The following HLCS variants were observed in gnomAD, a reference collection of about 807,000 sequenced individuals.
HLCS encodes biotin--protein ligase.
Under a neutral mutation model 75.0 loss-of-function variants are expected in HLCS, and 53 were observed. The observed-to-expected ratio is 0.71, with a 90% CI of 0.57 to 0.89. The LOEUF (loss-of-function observed/expected upper bound fraction) is 0.89. Ranked by LOEUF, HLCS falls within the 40% of genes least tolerant of loss-of-function variation. HLCS has a pLI of 0.00. For missense variants in HLCS, 966 were observed against 1,074.0 expected, an observed-to-expected ratio of 0.90 and a Z score of 1.41; for synonymous variants, 431 against 428.6, an observed-to-expected ratio of 1.01 and a Z score of -0.07.
At chr21:36,818,359 C>A (rs2061723725) in intron 6 of HLCS, among the ~76,000 whole-genome samples, 1 of 152,184 alleles carries the variant, frequency 6.6e-6, no homozygotes, top group Non-Finnish European at 1.5e-5. Context: ...AAATTCTCAA[C>A]AACTTCACCA....
intron 6 of HLCS, among the ~76,000 whole-genome samples, chr21:36,822,990 C>A (rs1601402153): frequency 6.6e-6 from 1 of 152,196 alleles, no homozygotes; most frequent in East Asian, 1.9e-4. Flanking sequence ...TAGGGCATAA[C>A]CACTCGGGTT....
chr21:36,772,328 C>T (rs779652248), intron 6 of HLCS, among the ~76,000 whole-genome samples: 7 of 151,908 alleles, frequency 4.6e-5, no homozygotes, highest in East Asian at 3.9e-4. Context: ...TCTTTATATA[C>T]GATATGTATT....
chr21:36,956,986 G>C (rs963766834), intron 2 of HLCS, among the ~76,000 whole-genome samples: 18 of 148,266 alleles, frequency 1.2e-4, no homozygotes, highest in African/African-American at 4.5e-4. Context: ...CCAGGAGGTA[G>C]ATGTTGCAGT....
chr21:36,931,894 C>T (rs751573272), intron 4 of HLCS, among the ~76,000 whole-genome samples: 3 of 152,190 alleles, frequency 2.0e-5, no homozygotes, highest in Non-Finnish European at 2.9e-5. Context: ...TCTGTGGGTC[C>T]GTACGCTCTC....
At chr21:36,965,934 G>A (rs932060735) in intron 1 of HLCS, among the ~76,000 whole-genome samples, 24 of 151,786 alleles carry the variant, frequency 1.6e-4, no homozygotes, top group Non-Finnish European at 3.4e-4. Context: ...TTTTTGTTTT[G>A]TTTTTTGTAG....
At chr21:36,904,071 CA>C (rs1448487074) in intron 5 of HLCS, among the ~76,000 whole-genome samples, 2 of 152,132 alleles carry the variant, frequency 1.3e-5, no homozygotes, top group African/African-American at 4.8e-5. Flanking sequence ...TCTCCAGAAC[CA>C]AGAGCTAAAT....
chr21:36,875,161 G>A (rs972403220), intron 6 of HLCS, among the ~76,000 whole-genome samples: 12 of 150,942 alleles, frequency 8.0e-5, no homozygotes, highest in Non-Finnish European at 1.8e-4. Flanking sequence ...TGGGCACCAC[G>A]GACAGCATGT....
rs772810098 is a variant in HLCS at position 36,938,995 on chromosome 21, C to G, written c.331-1G>C. ...AACAACAGTCTGACCACTTGACAATCTGAGAAAAAGCAGGAGAGGGAGGAG... is the reference window on the plus strand; with the variant it reads ...AACAACAGTCTGACCACTTGACAATGTGAGAAAAAGCAGGAGAGGGAGGAG... On this transcript the variant is annotated splice_acceptor_variant, in intron 2 of 10. Transcript: ENST00000674895. LOFTEE classifies it high-confidence loss of function. 7 of 1,604,526 alleles carry G rather than the reference C, an allele frequency of 4.4e-6. No homozygotes were observed. Among genetic ancestry groups the G allele is most frequent in the Non-Finnish European group, 5.1e-6 (6 of 1,178,760 alleles).
At chr21:36,919,307 GA>G (rs533150383) in intron 5 of HLCS, among the ~76,000 whole-genome samples, 58 of 152,122 alleles carry the variant, frequency 3.8e-4, no homozygotes, top group Admixed American at 1.8e-3. Flanking sequence ...TACTTTGAAA[GA>G]AAAAAAGTTT....
chr21:36,946,055 C>T (rs554411597), intron 2 of HLCS: 1 of 965,218 alleles, frequency 1.0e-6, no homozygotes, highest in Admixed American at 6.2e-5. Context: ...CATAAAGTGC[C>T]TGGGCCACAA....
chr21:36,966,307 C>G (rs1156443518), intron 1 of HLCS, 137 bp downstream of exon 1: 1 of 272,550 alleles, frequency 3.7e-6, no homozygotes, highest in African/African-American at 2.3e-5. Flanking sequence ...AACAGCCCCT[C>G]CCGGGCCGCA....
intron 6 of HLCS, among the ~76,000 whole-genome samples, chr21:36,847,137 A>G (rs1467591595): frequency 6.6e-6 from 1 of 152,224 alleles, no homozygotes; most frequent in Non-Finnish European, 1.5e-5. Flanking sequence ...TTTTGTAATC[A>G]AATTACCATC....
In HLCS at chr21:36,842,537, C is replaced by T. The variant is rs1439113250; in HGVS notation, c.1892+54323G>A. 2.6e-5 allele frequency among the ~76,000 whole-genome samples: 4 copies of T among 152,096 alleles called. No homozygotes were observed. Among genetic ancestry groups the T allele is most frequent in the African/African-American group, 9.7e-5 (4 of 41,418 alleles). ...GGCAGATCACATGAGGCCAGGAGTT[C>T]GAGACCAGCCTGGCCAACAATGCAA... On this transcript the variant is annotated intron_variant, in intron 6 of 10. Transcript: ENST00000674895. This position sits in a 1 kb window ranked among gnomAD's most constrained non-coding sequence, Gnocchi z 4.2.
At chr21:36,875,802 C>T (rs1266925191) in intron 6 of HLCS, among the ~76,000 whole-genome samples, 2 of 152,304 alleles carry the variant, frequency 1.3e-5, no homozygotes, top group East Asian at 1.9e-4. Context: ...ACAGGGGCAA[C>T]GTCCCCCTGC....
intron 2 of HLCS, among the ~76,000 whole-genome samples, chr21:36,951,330 G>A (rs1166314733): frequency 1.3e-5 from 2 of 152,192 alleles, no homozygotes; most frequent in East Asian, 3.8e-4. Flanking sequence ...GTACTGAGCT[G>A]TGTGCAGGGG....
chr21:36,945,086 C>A (rs1165065576), intron 2 of HLCS, among the ~76,000 whole-genome samples: 3 of 152,080 alleles, frequency 2.0e-5, no homozygotes, highest in Non-Finnish European at 4.4e-5. Flanking sequence ...CACCACTGCA[C>A]TCCAGCCTGG....
intron 6 of HLCS, among the ~76,000 whole-genome samples, chr21:36,784,367 G>A (rs2060626006): frequency 6.7e-6 from 1 of 148,512 alleles, no homozygotes; most frequent in African/African-American, 2.5e-5. Context: ...CCAGCCTGGA[G>A]TGCAGCGGCA....
intron 6 of HLCS, among the ~76,000 whole-genome samples, chr21:36,884,501 A>G (rs1904750567): frequency 6.6e-6 from 1 of 152,234 alleles, no homozygotes; most frequent in Non-Finnish European, 1.5e-5. Context: ...CTGCTAAAGA[A>G]TAACTCCTTT....
intron 6 of HLCS, among the ~76,000 whole-genome samples, chr21:36,841,901 C>T (rs530428662): frequency 6.6e-6 from 1 of 152,300 alleles, no homozygotes; most frequent in African/African-American, 2.4e-5. Flanking sequence ...CTGTCATCCA[C>T]AGCTCATTGG....
Sources: allele counts gnomAD v4.1 joint callset (sites outside exome capture counted in the v4.1 genomes callset), GRCh38; gene constraint gnomAD v4.1.1; non-coding constraint Gnocchi (gnomAD v3.1); transcripts MANE v1.5; gene names NCBI Gene and HGNC (gene_info 2026-07-23, HGNC 2026-07-21).